The following TNNI3 variants were observed in gnomAD, a reference collection of about 807,000 sequenced individuals.
TNNI3 encodes the protein troponin I3, cardiac type.
A neutral mutation model predicts 31.5 loss-of-function variants in TNNI3; 23 were observed. The observed-to-expected ratio is 0.73, with a 90% CI of 0.52 to 1.03. The LOEUF (loss-of-function observed/expected upper bound fraction) is 1.03. Among genes scored for constraint, TNNI3 ranks in the 50% least tolerant of loss-of-function variants. The probability of loss-of-function intolerance (pLI) is 0.00; values close to 1 mark genes in which losing one functional copy is unlikely to be tolerated. For missense variants in TNNI3, 236 were observed against 282.9 expected (o/e 0.83, Z 1.19); for synonymous variants, 120 against 111.7 (o/e 1.07, Z -0.47).
At position 55,156,084 on chromosome 19, in the gene TNNI3, A is replaced by G. The variant is rs2085727166; in HGVS notation, c.282+117T>C. ...TTAGGGGCCAGGAGTCCCACGAACC[A>G]TATATAATTGGGTAAGGACAGCCAT... On this transcript the variant is annotated intron_variant, in intron 5 of 7. Transcript: ENST00000344887. This position sits in a 1 kb window ranked among gnomAD's most constrained non-coding sequence, Gnocchi z 4.6. 8.0e-6 allele frequency: 12 copies of G among 1,501,842 alleles called. No individual in the cohort carries two copies. Among genetic ancestry groups the G allele is most frequent in the Non-Finnish European group, 1.1e-5 (12 of 1,085,270 alleles). 93.0% of individuals were successfully genotyped at this position (1,501,842 alleles called of 1,614,324 possible).
rs1189477027 is a variant in TNNI3 at position 55,152,228 on chromosome 19, C to T, written c.550-311G>A. ...TCATGCACTTCCTGTCTTTCCCCTC[C>T]ACTTCCTGTCTCCTTCCTGCACTTC... On this transcript the variant is annotated intron_variant, in intron 7 of 7. Coordinates refer to ENST00000344887, the MANE Select transcript of TNNI3 (RefSeq NM_000363.5). The surrounding 1 kb of genome is among the most constrained non-coding windows in gnomAD (Gnocchi z 4.0). Among the ~76,000 whole-genome samples the T allele has an allele frequency of 2.0e-5, 3 of 152,048 alleles. No individual in the cohort carries two copies. Among genetic ancestry groups the T allele is most frequent in the Non-Finnish European group, 4.4e-5 (3 of 68,026 alleles).
chr19:55,153,898 G>C, intron 7 of TNNI3, 132 bp downstream of exon 7: 1 of 830,714 alleles, frequency 1.2e-6, no homozygotes. Context: ...TCTTCCTCTT[G>C]CATTTCTGAG....
At position 55,156,540 on chromosome 19, in the gene TNNI3, C is replaced by T. The variant is rs2085731811; in HGVS notation, c.150+63G>A. The T allele has an allele frequency of 6.5e-7, 1 of 1,545,466 alleles. No homozygotes were observed. The highest frequency in any genetic ancestry group is 8.8e-7 in the Non-Finnish European group (1 of 1,141,932). ...CCGCCCACCTACCCCGAAAGCCCCA[C>T]CCATTCTCAAGCTCCGCCCCCTGAG... On this transcript the variant is annotated intron_variant, in intron 4 of 7. Transcript: ENST00000344887. This position sits in a 1 kb window ranked among gnomAD's most constrained non-coding sequence, Gnocchi z 4.6.
chr19:55,156,822 C>T lies in TNNI3; in HGVS notation c.109-178G>A. On this transcript the variant is annotated intron_variant, in intron 3 of 7. Coordinates refer to ENST00000344887, the MANE Select transcript of TNNI3 (RefSeq NM_000363.5). This position sits in a 1 kb window ranked among gnomAD's most constrained non-coding sequence, Gnocchi z 4.6. ...CATTCCCATCCACCAATCTGGGTCT[C>T]TTCCTTTGGATAGGCACTTCCCATC... is the stretch of plus-strand genomic sequence containing the variant. 1 of 865,994 alleles carries T rather than the reference C, an allele frequency of 1.2e-6. No homozygotes were observed. Among genetic ancestry groups the T allele is most frequent in the South Asian group, 1.5e-5 (1 of 66,676 alleles). 53.6% of individuals were successfully genotyped at this position (865,994 alleles called of 1,614,324 possible).
chr19:55,157,189 C>G lies in TNNI3; in HGVS notation c.25-56G>C. On this transcript the variant is annotated intron_variant, in intron 2 of 7. Transcript: ENST00000344887. The surrounding 1 kb of genome is among the most constrained non-coding windows in gnomAD (Gnocchi z 6.3). Reference sequence around the variant, plus strand: ...CACCAAGACCCCACCCAGCCCTTACCGTACCGCACCCTCTGCTAGGGCTGC... The same window carrying G: ...CACCAAGACCCCACCCAGCCCTTACGGTACCGCACCCTCTGCTAGGGCTGC... 4 of 1,590,138 alleles carry G rather than the reference C, an allele frequency of 2.5e-6. No individual in the cohort carries two copies. Among genetic ancestry groups the G allele is most frequent in the South Asian group, 1.1e-5 (1 of 87,740 alleles).
rs1599912579 is a variant in TNNI3 at position 55,157,267 on chromosome 19, C to T, written c.24+29G>A. 1 of 1,611,618 alleles carries T rather than the reference C, an allele frequency of 6.2e-7. No individual in the cohort carries two copies. Among genetic ancestry groups the T allele is most frequent in the South Asian group, 1.1e-5 (1 of 90,692 alleles). On this transcript the variant is annotated intron_variant, in intron 2 of 7. Transcript: ENST00000344887. The surrounding 1 kb of genome is among the most constrained non-coding windows in gnomAD (Gnocchi z 6.3). ...AGCGCCCACCCTGGCCCTGGGGGTC[C>T]CAGCCACGCCTTAGCCCGCTGCTCT...
In TNNI3 at chr19:55,154,078, C is replaced by T; in HGVS notation, c.501G>A (p.Leu167=). Residue 167 remains leucine, a synonymous_variant, in exon 7 of 8, where the codon CTG becomes CTA. Transcript: ENST00000344887. ...ALLGARAKES[L]DLRAHLKQVK... ...CCTGCTTGAGGTGGGCCCGCAGGTCCAGGGACTCCTTAGCCCGGGCCCCCA... is the reference window on the plus strand; with the variant it reads ...CCTGCTTGAGGTGGGCCCGCAGGTCTAGGGACTCCTTAGCCCGGGCCCCCA... 2 of 1,612,986 alleles carry T rather than the reference C, an allele frequency of 1.2e-6. No individual in the cohort carries two copies. Among genetic ancestry groups the T allele is most frequent in the South Asian group, 1.1e-5 (1 of 91,052 alleles).
Position 55,156,896 on chromosome 19 carries a change from G to C in TNNI3, c.108+154C>G. 1 of 973,204 alleles carries C rather than the reference G, an allele frequency of 1.0e-6. No individual in the cohort carries two copies. The highest frequency in any genetic ancestry group is 1.6e-6 in the Non-Finnish European group (1 of 636,196). The allele number at this position is 973,204 out of a possible 1,614,324, so 60.3% of individuals were successfully genotyped here. A position where few individuals can be genotyped will look rare whatever the true frequency, so the allele number is the denominator to read the frequency against. ...AACGGAGTTCCGCCCGCAGGCTGCT[G>C]TCACCAATCCGAGCATGACCCTCTG... On this transcript the variant is annotated intron_variant, in intron 3 of 7. Coordinates refer to ENST00000344887, the MANE Select transcript of TNNI3 (RefSeq NM_000363.5). This position sits in a 1 kb window ranked among gnomAD's most constrained non-coding sequence, Gnocchi z 4.6.
Position 55,154,105 on chromosome 19 carries a change from C to A in TNNI3, c.474G>T (p.Leu158=). 6.2e-7 allele frequency: 1 copy of A among 1,613,246 alleles called. No individual in the cohort carries two copies. Residue 158 remains leucine, a synonymous_variant, in exon 7 of 8, where the codon CTG becomes CTT. Transcript: ENST00000344887. The part of the protein sequence containing the change: ...RISADAMMQA[L]LGARAKESLD... ...GGGACTCCTTAGCCCGGGCCCCCAGCAGCGCCTGCATCATGGCATCTGCAG... is the reference window on the plus strand; with the variant it reads ...GGGACTCCTTAGCCCGGGCCCCCAGAAGCGCCTGCATCATGGCATCTGCAG...
chr19:55,154,975 G>A, intron 5 of TNNI3, 145 bp from the exon 6 acceptor site: 1 of 710,924 alleles, frequency 1.4e-6, no homozygotes, highest in African/African-American at 1.9e-5. Context: ...TCCTGGGTCT[G>A]AGGGAGGAGT....
In TNNI3 at chr19:55,152,206, T is replaced by C. The variant is rs1599907850; in HGVS notation, c.550-289A>G. ...CCCCATCCACTTCCTGTCTCCCTCA[T>C]GCACTTCCTGTCTTTCCCCTCCACT... On this transcript the variant is annotated intron_variant, in intron 7 of 7. Transcript: ENST00000344887. The surrounding 1 kb of genome is among the most constrained non-coding windows in gnomAD (Gnocchi z 4.0). 2.6e-5 allele frequency among the ~76,000 whole-genome samples: 4 copies of C among 152,114 alleles called. No individual in the cohort carries two copies. In the South Asian group the frequency reaches 8.3e-4, roughly 32 times the overall value.
intron 7 of TNNI3, 82 bp downstream of exon 7, chr19:55,153,946 ACC>A: frequency 6.6e-7 from 1 of 1,521,328 alleles, no homozygotes; most frequent in Non-Finnish European, 9.0e-7. Flanking sequence ...AACTCCAAGC[ACC>A]ATCTGCCCTC....
rs920081367 is a variant in TNNI3 at position 55,156,487 on chromosome 19, G to A, written c.150+116C>T. 20 of 1,502,680 alleles carry A rather than the reference G, an allele frequency of 1.3e-5. No individual in the cohort carries two copies. Among genetic ancestry groups the A allele is most frequent in the Non-Finnish European group, 8.1e-6 (9 of 1,108,742 alleles). 93.1% of individuals were successfully genotyped at this position (1,502,680 alleles called of 1,614,324 possible). ...GAGCAGTACTCCCCGCTAAAGCCAC[G>A]CCCCGAGCGGCCAAACCCCGCCCAC... On this transcript the variant is annotated intron_variant, in intron 4 of 7. Transcript: ENST00000344887. The surrounding 1 kb of genome is among the most constrained non-coding windows in gnomAD (Gnocchi z 4.6).
chr19:55,152,998 C>T lies in TNNI3; in HGVS notation c.549+1032G>A, dbSNP rs2085703235. Among the ~76,000 whole-genome samples the T allele has an allele frequency of 6.6e-6, 1 of 152,132 alleles. No homozygotes were observed. Among genetic ancestry groups the T allele is most frequent in the Non-Finnish European group, 1.5e-5 (1 of 68,026 alleles). ...TATTTTTACTACAGGTGGGGTTTCA[C>T]TGTGTTGGCCAGGCTGGTCTCAAAC... On this transcript the variant is annotated intron_variant, in intron 7 of 7. Transcript: ENST00000344887. The surrounding 1 kb of genome is among the most constrained non-coding windows in gnomAD (Gnocchi z 4.0).
rs1428936317 is a variant in TNNI3 at position 55,152,462 on chromosome 19, C to T, written c.550-545G>A. 2.0e-5 allele frequency among the ~76,000 whole-genome samples: 3 copies of T among 152,146 alleles called. No homozygotes were observed. The highest frequency in any genetic ancestry group is 2.0e-4 in the Admixed American group (3 of 15,264). ...GATTCTCAGGTCAATAGTAGCCTAA[C>T]GCCAGGTCATAATGCCTATGTCATC... is the stretch of plus-strand genomic sequence containing the variant. On this transcript the variant is annotated intron_variant, in intron 7 of 7. Transcript: ENST00000344887. The surrounding 1 kb of genome is among the most constrained non-coding windows in gnomAD (Gnocchi z 4.0).
rs777905698 is a variant in TNNI3 at position 55,156,178 on chromosome 19, C to G, written c.282+23G>C. On this transcript the variant is annotated intron_variant, in intron 5 of 7. Coordinates refer to ENST00000344887, the MANE Select transcript of TNNI3 (RefSeq NM_000363.5). This position sits in a 1 kb window ranked among gnomAD's most constrained non-coding sequence, Gnocchi z 4.6. ...ACTGCTGAATTCCGGGACTAGAAACCTCGCATCCTTGGGAGCCGGTACCTG... is the reference window on the plus strand; with the variant it reads ...ACTGCTGAATTCCGGGACTAGAAACGTCGCATCCTTGGGAGCCGGTACCTG... 3.1e-6 allele frequency: 5 copies of G among 1,612,492 alleles called. No individual in the cohort carries two copies. Among genetic ancestry groups the G allele is most frequent in the South Asian group, 1.1e-5 (1 of 91,080 alleles).
rs1384589329 is a variant in TNNI3, at chr19:55,152,628, A to T, written c.550-711T>A. Reference sequence around the variant, plus strand: ...CAATCTGTTATAATTGTTCTATTTTATTATTATTATTATTTGAGACAGGGT... The same window carrying T: ...CAATCTGTTATAATTGTTCTATTTTTTTATTATTATTATTTGAGACAGGGT... On this transcript the variant is annotated intron_variant, in intron 7 of 7. Transcript: ENST00000344887. The surrounding 1 kb of genome is among the most constrained non-coding windows in gnomAD (Gnocchi z 4.0). Among the ~76,000 whole-genome samples, 1 of 151,996 alleles carries T rather than the reference A, an allele frequency of 6.6e-6. No individual in the cohort carries two copies. Among genetic ancestry groups the T allele is most frequent in the Non-Finnish European group, 1.5e-5 (1 of 67,992 alleles).
At chr19:55,153,864 C>T (rs1375026906) in intron 7 of TNNI3, among the ~76,000 whole-genome samples, 166 bp downstream of exon 7, 1 of 7,726 alleles carries the variant, frequency 1.3e-4, no homozygotes, top group African/African-American at 3.2e-4. Context: ...TAATGCACTT[C>T]CTGTCTTCCC....
At chr19:55,154,634 G>A (rs1671047872) in intron 6 of TNNI3, 107 bp downstream of exon 6, 10 of 937,686 alleles carry the variant, frequency 1.1e-5, no homozygotes, top group South Asian at 2.8e-5. Flanking sequence ...GTTGTCCTGG[G>A]TCTCCTGGGA....
Sources: allele counts gnomAD v4.1 joint callset (sites outside exome capture counted in the v4.1 genomes callset), GRCh38; gene constraint gnomAD v4.1.1; non-coding constraint Gnocchi (gnomAD v3.1); transcripts MANE v1.5; gene names NCBI Gene and HGNC (gene_info 2026-07-23, HGNC 2026-07-21).